DNAJC3: variants seen among roughly 807,000 people sequenced by gnomAD.
DNAJC3 encodes dnaJ homolog subfamily C member 3.
In DNAJC3, 38 loss-of-function variants were observed where a neutral mutation model predicts 68.6. The observed-to-expected ratio is 0.55, with a 90% CI of 0.43 to 0.73. DNAJC3 has a LOEUF of 0.73. DNAJC3 is among the 30% of genes least tolerant of loss of function. The pLI is 0.00. For missense variants in DNAJC3, 526 were observed against 591.9 expected (o/e 0.89, Z 1.16); for synonymous variants, 203 against 204.0 (o/e 1.00, Z 0.04).
In DNAJC3 at chr13:95,791,312, G is replaced by A. The variant is rs932263855; in HGVS notation, c.*282G>A. The A allele has an allele frequency of 1.7e-5, 7 of 400,284 alleles. No individual in the cohort carries two copies. Among genetic ancestry groups the A allele is most frequent in the Non-Finnish European group, 3.1e-5 (7 of 227,698 alleles). 24.8% of individuals were successfully genotyped at this position (400,284 alleles called of 1,614,324 possible). On this transcript the variant is annotated 3_prime_UTR_variant, in exon 12 of 12. Coordinates refer to ENST00000602402, the MANE Select transcript of DNAJC3 (RefSeq NM_006260.5). ...CTGAGGCAGGCTCACCCGTGGAAGTGCTCACGTATTCTGTATTATTTTTCT... is the reference window on the plus strand; with the variant it reads ...CTGAGGCAGGCTCACCCGTGGAAGTACTCACGTATTCTGTATTATTTTTCT...
In DNAJC3 at chr13:95,705,432, T is replaced by C. The variant is rs1248309472; in HGVS notation, c.83-3795T>C. Among the ~76,000 whole-genome samples the C allele has an allele frequency of 5.9e-5, 9 of 152,154 alleles. No homozygotes were observed. The East Asian group carries it at 7.7e-4, about 13-fold the overall frequency. ...CAATATTGACTTCCTCCTGTAGTCATACCTGTCCTACAAAGGGGAGTGACA... is the reference window on the plus strand; with the variant it reads ...CAATATTGACTTCCTCCTGTAGTCACACCTGTCCTACAAAGGGGAGTGACA... On this transcript the variant is annotated intron_variant, in intron 1 of 11. Transcript: ENST00000602402.
chr13:95,732,980 C>T (rs565627795), intron 4 of DNAJC3, among the ~76,000 whole-genome samples: 40 of 152,056 alleles, frequency 2.6e-4, no homozygotes, highest in African/African-American at 8.9e-4. Flanking sequence ...TAGTTTTATT[C>T]CAATGTGGTC....
chr13:95,742,779 T>C (rs772442157), intron 4 of DNAJC3: 2 of 519,028 alleles, frequency 3.9e-6, no homozygotes, highest in South Asian at 2.8e-5. Flanking sequence ...TCTTTAAATT[T>C]GATGAAGTTC....
At chr13:95,740,657 G>A (rs950501682) in intron 4 of DNAJC3, among the ~76,000 whole-genome samples, 56 of 151,836 alleles carry the variant, frequency 3.7e-4, no homozygotes, top group African/African-American at 1.3e-3. Context: ...GCAATGCCTC[G>A]CCCTGCTTCG....
intron 1 of DNAJC3, among the ~76,000 whole-genome samples, chr13:95,691,944 A>C (rs375812950): frequency 6.6e-6 from 1 of 152,222 alleles, no homozygotes; most frequent in African/African-American, 2.4e-5. Flanking sequence ...AATCGCAGGC[A>C]CTGGGCAGGT....
chr13:95,728,626 G>T (rs1019625296), intron 4 of DNAJC3, among the ~76,000 whole-genome samples: 1 of 152,018 alleles, frequency 6.6e-6, no homozygotes, highest in Non-Finnish European at 1.5e-5. Context: ...CTTTTCCTTT[G>T]ATCCTCTTCA....
chr13:95,791,876 A>G lies in DNAJC3; in HGVS notation c.*846A>G, dbSNP rs953337079. 2 of 152,252 alleles carry G rather than the reference A, an allele frequency of 1.3e-5. No homozygotes were observed. Among genetic ancestry groups the G allele is most frequent in the South Asian group, 2.1e-4 (1 of 4,832 alleles). 9.4% of individuals were successfully genotyped at this position (152,252 alleles called of 1,614,324 possible). On this transcript the variant is annotated 3_prime_UTR_variant, in exon 12 of 12. Transcript: ENST00000602402. ...TAAACAACTGAAGTTCTGAGTTTTT[A>G]TAGGGAATTTCATGTAACAAGACTG... is the stretch of plus-strand genomic sequence containing the variant.
In DNAJC3 at chr13:95,763,809, TC is replaced by T. The variant is rs756771447; in HGVS notation, c.955-22del. The stretch of plus-strand genomic sequence containing the variant: ...CAACATGTGGAATACCAACCATAAA[TC>T]CTTGTCTCACATTTCCTTTTAGGAC... On this transcript the variant is annotated intron_variant, in intron 8 of 11. Transcript: ENST00000602402. The T allele has an allele frequency of 1.9e-6, 3 of 1,613,906 alleles. No individual in the cohort carries two copies. The Admixed American group carries it at 5.0e-5, about 27-fold the overall frequency.
chr13:95,751,411 G>C (rs1392327720), intron 4 of DNAJC3, among the ~76,000 whole-genome samples: 1 of 152,142 alleles, frequency 6.6e-6, no homozygotes, highest in East Asian at 1.9e-4. Flanking sequence ...ACCCACTTCA[G>C]TTTTTCTCTT....
chr13:95,741,762 C>G (rs1248711274), intron 4 of DNAJC3, among the ~76,000 whole-genome samples: 1 of 152,108 alleles, frequency 6.6e-6, no homozygotes, highest in Admixed American at 6.5e-5. Context: ...GTGTATGCTA[C>G]TGTGGTGGCA....
chr13:95,688,241 C>A (rs893500926), intron 1 of DNAJC3, among the ~76,000 whole-genome samples: 4 of 152,112 alleles, frequency 2.6e-5, no homozygotes, highest in African/African-American at 4.8e-5. Flanking sequence ...TATTTGACTT[C>A]TTTTCCTATT....
At chr13:95,704,849 G>GTTTTTTTTTTT (rs1292968162) in intron 1 of DNAJC3, among the ~76,000 whole-genome samples, 3 of 102,884 alleles carry the variant, frequency 2.9e-5, no homozygotes, top group African/African-American at 2.2e-4. Context: ...CTGTGTGTGT[G>GTTTTTTTTTTT]TGTTTTTTTT....
chr13:95,691,975 G>A (rs1880281832), intron 1 of DNAJC3, among the ~76,000 whole-genome samples: 2 of 152,204 alleles, frequency 1.3e-5, no homozygotes, highest in African/African-American at 4.8e-5. Flanking sequence ...GAATCAGGCA[G>A]GGAGGTTGCA....
At chr13:95,779,010 T>C (rs1883360657) in intron 9 of DNAJC3, among the ~76,000 whole-genome samples, 1 of 152,184 alleles carries the variant, frequency 6.6e-6, no homozygotes, top group Admixed American at 6.5e-5. Context: ...TTTGCCTGTA[T>C]AAATATTACC....
Position 95,763,935 on chromosome 13 carries a change from G to C in DNAJC3, c.1057G>C (p.Glu353Gln). The part of the protein sequence containing the change: ...LKDRAEAYLI[E>Q]EMYDEAIQDY... ...AGATCGAGCAGAGGCCTATTTGATAGAGGAAATGTATGATGAAGGTAAATC... is the reference window on the plus strand; with the variant it reads ...AGATCGAGCAGAGGCCTATTTGATACAGGAAATGTATGATGAAGGTAAATC... Residue 353 changes from glutamate to glutamine, a missense_variant, in exon 9 of 12, where the codon GAG becomes CAG. Glu to Gln is a conservative substitution (Grantham distance 29). Coordinates refer to ENST00000602402, the MANE Select transcript of DNAJC3 (RefSeq NM_006260.5). The C allele has an allele frequency of 2.5e-6, 4 of 1,613,976 alleles. No individual in the cohort carries two copies. The highest frequency in any genetic ancestry group is 3.4e-6 in the Non-Finnish European group (4 of 1,179,898).
intron 4 of DNAJC3, among the ~76,000 whole-genome samples, chr13:95,736,963 T>C (rs1593991481): frequency 6.6e-6 from 1 of 151,644 alleles, no homozygotes; most frequent in Non-Finnish European, 1.5e-5. Context: ...GGGTTTGTCA[T>C]AGATAGCTCT....
At chr13:95,760,559 C>T (rs1331503920) in intron 6 of DNAJC3, 120 bp from the exon 7 acceptor site, 2 of 1,272,150 alleles carry the variant, frequency 1.6e-6, no homozygotes, top group East Asian at 4.9e-5. Context: ...AATTATAAGT[C>T]TCAGTATGGT....
intron 2 of DNAJC3, among the ~76,000 whole-genome samples, chr13:95,712,165 A>G (rs764962851): frequency 7.2e-5 from 11 of 152,170 alleles, no homozygotes; most frequent in Non-Finnish European, 1.2e-4. Flanking sequence ...ATTTAACACC[A>G]TTTCTGAAAG....
chr13:95,695,348 A>G (rs564558873), intron 1 of DNAJC3: 5 of 151,990 alleles, frequency 3.3e-5, no homozygotes, highest in African/African-American at 7.2e-5. Flanking sequence ...ACTTTAGCCA[A>G]CCCCCTCAGT....
Sources: gnomAD v4.1 joint callset for allele counts (sites outside exome capture counted in the v4.1 genomes callset) on GRCh38, gnomAD v4.1.1 for gene constraint, MANE v1.5 for transcripts, NCBI Gene and HGNC (gene_info 2026-07-23, HGNC 2026-07-21) for gene names.